The following TTC21B variants were observed in gnomAD, a reference collection of about 807,000 sequenced individuals.
TTC21B encodes the protein tetratricopeptide repeat protein 21B.
In TTC21B, 127 loss-of-function variants were observed where a neutral mutation model predicts 175.1. The observed-to-expected ratio is 0.73, with a 90% CI of 0.63 to 0.84. The LOEUF (loss-of-function observed/expected upper bound fraction) is 0.84. Among genes scored for constraint, TTC21B ranks in the 40% least tolerant of loss-of-function variants. The probability of loss-of-function intolerance (pLI) is 0.00; values close to 1 mark genes in which losing one functional copy is unlikely to be tolerated. For synonymous variants in TTC21B, 524 were observed against 524.5 expected, an observed-to-expected ratio of 1.00 and a Z score of 0.01; for missense variants, 1,561 against 1,558.3, an observed-to-expected ratio of 1.00 and a Z score of -0.03.
Position 165,915,302 on chromosome 2 carries a change from A to C in TTC21B, c.2037T>G (p.Asn679Lys). Residue 679 changes from asparagine (N) to lysine (K), a missense_variant, in exon 15 of 29, where the codon AAT becomes AAG. Transcript: ENST00000243344. ...DIERALSILQ[N>K]VTAEQPYFIE... ...TAAAATAAGGCTGTTCGGCTGTAACATTCTGAAGGATGCTTAAAGCCCGTT... is the reference window on the plus strand; with the variant it reads ...TAAAATAAGGCTGTTCGGCTGTAACCTTCTGAAGGATGCTTAAAGCCCGTT... 1 of 1,614,134 alleles carries C rather than the reference A, an allele frequency of 6.2e-7. No individual in the cohort carries two copies. Among genetic ancestry groups the C allele is most frequent in the Non-Finnish European group, 8.5e-7 (1 of 1,180,002 alleles).
chr2:165,948,578 A>G (rs1281857074), intron 3 of TTC21B: 1 of 152,220 alleles, frequency 6.6e-6, no homozygotes, highest in Non-Finnish European at 1.5e-5. Flanking sequence ...CACAATCTAT[A>G]TTTACAATCC....
chr2:165,918,185 C>T (rs1339872343), intron 13 of TTC21B, among the ~76,000 whole-genome samples: 1 of 152,220 alleles, frequency 6.6e-6, no homozygotes, highest in East Asian at 1.9e-4. Context: ...GAGACTCACG[C>T]TTGTGCTCCT....
chr2:165,920,293 A>G (rs1686338650), intron 12 of TTC21B, among the ~76,000 whole-genome samples: 1 of 152,072 alleles, frequency 6.6e-6, no homozygotes, highest in African/African-American at 2.4e-5. Flanking sequence ...AACTCACCTG[A>G]TGCCTCAGTC....
At chr2:165,934,096 T>C (rs913473091) in intron 6 of TTC21B, 4 of 152,192 alleles carry the variant, frequency 2.6e-5, no homozygotes, top group Admixed American at 6.5e-5. Flanking sequence ...GAATACTTAT[T>C]ATTATATGTC....
chr2:165,878,973 C>T (rs896108883), intron 27 of TTC21B, among the ~76,000 whole-genome samples: 8 of 152,190 alleles, frequency 5.3e-5, no homozygotes, highest in South Asian at 2.1e-4. Context: ...TGAGCCACTG[C>T]GCCTGGCCAT....
chr2:165,901,895 C>T lies in TTC21B; in HGVS notation c.2584G>A (p.Ala862Thr). 1 of 1,613,024 alleles carries T rather than the reference C, an allele frequency of 6.2e-7. No individual in the cohort carries two copies. The highest frequency in any genetic ancestry group is 8.5e-7 in the Non-Finnish European group (1 of 1,179,758). Residue 862 changes from alanine (A) to threonine (T), a missense_variant, in exon 20 of 29, where the codon GCT becomes ACT. Transcript: ENST00000243344. ...ATCTGAACACGTTTTAGTACCCGAG[C>T]TTGTAATTCTCGAGCCTAGAAAAAA... Reference protein sequence around the residue: ...TALQQARELQARVLKRVQMEQ... With the variant: ...TALQQARELQTRVLKRVQMEQ...
intron 11 of TTC21B, among the ~76,000 whole-genome samples, chr2:165,927,859 C>T (rs922407384): frequency 6.6e-6 from 1 of 152,108 alleles, no homozygotes; most frequent in Admixed American, 6.6e-5. Context: ...TCCTTATTTC[C>T]CATGTTAACA....
chr2:165,941,685 T>C (rs1236537872), intron 5 of TTC21B, among the ~76,000 whole-genome samples: 3 of 152,084 alleles, frequency 2.0e-5, no homozygotes, highest in Non-Finnish European at 2.9e-5. Context: ...AAGGAAATAA[T>C]TGGACAAGAC....
At chr2:165,887,673 G>C (rs1187901650) in intron 25 of TTC21B, among the ~76,000 whole-genome samples, 1 of 151,612 alleles carries the variant, frequency 6.6e-6, no homozygotes, top group Non-Finnish European at 1.5e-5. Context: ...GGCGACAAGA[G>C]CAAAACTCCG....
At chr2:165,875,493 T>C (rs566968081) in intron 28 of TTC21B, among the ~76,000 whole-genome samples, 6 of 152,300 alleles carry the variant, frequency 3.9e-5, no homozygotes, top group East Asian at 1.9e-4. Flanking sequence ...CAATGTTTAA[T>C]AGAATGTCTT....
chr2:165,907,785 C>T lies in TTC21B; in HGVS notation c.2462-1G>A. 3.1e-6 allele frequency: 5 copies of T among 1,595,478 alleles called. No individual in the cohort carries two copies. Among genetic ancestry groups the T allele is most frequent in the Non-Finnish European group, 3.4e-6 (4 of 1,163,996 alleles). On this transcript the variant is annotated splice_acceptor_variant, in intron 18 of 28. Transcript: ENST00000243344. LOFTEE classifies it high-confidence loss of function. ...TCCATGAGAGCTGACAGTTCATTTA[C>T]TATGAAAGAATGGAATGTAATGCAA... is the stretch of plus-strand genomic sequence containing the variant.
chr2:165,950,585 T>C (rs1252921674), intron 1 of TTC21B, among the ~76,000 whole-genome samples: 1 of 152,202 alleles, frequency 6.6e-6, no homozygotes, highest in African/African-American at 2.4e-5. Flanking sequence ...AGTGACAGGA[T>C]TGAAATCTAA....
intron 22 of TTC21B, among the ~76,000 whole-genome samples, chr2:165,891,611 ATTC>A (rs1460159854): frequency 6.9e-6 from 1 of 144,432 alleles, no homozygotes; most frequent in East Asian, 2.2e-4. Flanking sequence ...TCATTCATTC[ATTC>A]ATTCCTTTGA....
At position 165,912,298 on chromosome 2, in the gene TTC21B, G is replaced by A. The variant is rs79430999; in HGVS notation, c.2322+216C>T. ...TTGGTAGCAAGGATTCTAGCTGCAA[G>A]ATGAAGCAAGGTCTAGGGTCCAAAT... On this transcript the variant is annotated intron_variant, in intron 17 of 28. Coordinates refer to ENST00000243344, the MANE Select transcript of TTC21B (RefSeq NM_024753.5). Among the ~76,000 whole-genome samples, 880 of 152,286 alleles carry A rather than the reference G, an allele frequency of 5.8e-3. 5 individuals are homozygous for A. The highest frequency in any genetic ancestry group is 0.024 in the East Asian group (126 of 5,184).
intron 28 of TTC21B, among the ~76,000 whole-genome samples, chr2:165,875,143 T>C (rs1323624572): frequency 6.6e-6 from 1 of 152,210 alleles, no homozygotes; most frequent in Non-Finnish European, 1.5e-5. Flanking sequence ...AATTTAGCTT[T>C]TCATTCATAA....
chr2:165,890,808 C>A (rs762762890), intron 23 of TTC21B, 30 bp downstream of exon 23: 2 of 1,602,470 alleles, frequency 1.2e-6, no homozygotes, highest in South Asian at 1.1e-5. Flanking sequence ...AAAAAAAAAT[C>A]ATGTAGCATT....
At chr2:165,904,805 T>A (rs1006880903) in intron 19 of TTC21B, among the ~76,000 whole-genome samples, 3 of 152,158 alleles carry the variant, frequency 2.0e-5, no homozygotes, top group African/African-American at 4.8e-5. Flanking sequence ...GGGTCCTTTT[T>A]AAAAAATATA....
At position 165,890,958 on chromosome 2, in the gene TTC21B, T is replaced by G. The variant is rs1198119126; in HGVS notation, c.2981A>C (p.Asp994Ala). Residue 994 changes from aspartate (D) to alanine (A), a missense_variant, in exon 23 of 29, where the codon GAT (aspartate) becomes GCT (alanine). By Grantham distance (126) the Asp-to-Ala change is moderately radical. Coordinates refer to ENST00000243344, the MANE Select transcript of TTC21B (RefSeq NM_024753.5). ...DNYMTLSRLI[D>A]LLRRCGKLED... ...GAGTTTTCCACATCTTCTTAGGAGA[T>G]CAATCAAACGAGATAATGTCATATA... The G allele has an allele frequency of 6.2e-7, 1 of 1,613,036 alleles. No individual in the cohort carries two copies. Among genetic ancestry groups the G allele is most frequent in the South Asian group, 1.1e-5 (1 of 91,058 alleles).
intron 1 of TTC21B, 56 bp from the exon 2 acceptor site, chr2:165,949,780 C>T: frequency 6.5e-7 from 1 of 1,528,306 alleles, no homozygotes; most frequent in Non-Finnish European, 9.0e-7. Context: ...CTGAAATACT[C>T]TAAGAAGCAG....
Sources: gnomAD v4.1 joint callset for allele counts (sites outside exome capture counted in the v4.1 genomes callset) on GRCh38, gnomAD v4.1.1 for gene constraint, MANE v1.5 for transcripts, NCBI Gene and HGNC (gene_info 2026-07-23, HGNC 2026-07-21) for gene names.